Variants in ANKRD40CL observed in about 807,000 individuals in gnomAD.
The protein encoded by ANKRD40CL is putative ANKRD40 C-terminal-like protein.
For missense variants in ANKRD40CL, 11 were observed against 6.4 expected (o/e 1.71, Z -0.77); for synonymous variants, 5 against 2.3 (o/e 2.14, Z -1.04).
At chr17:50,765,251 GTTTTTAC>G (rs1435540884) in intron 2 of ANKRD40CL, among the ~76,000 whole-genome samples, 1 of 152,202 alleles carries the variant, frequency 6.6e-6, no homozygotes, top group African/African-American at 2.4e-5. Context: ...AGTTTCACCT[GTTTTTAC>G]TTTTTAAAAC....
chr17:50,763,165 G>T, intron 3 of ANKRD40CL: 1 of 353,646 alleles, frequency 2.8e-6, no homozygotes, highest in Non-Finnish European at 5.1e-6. Context: ...AAAGTGCTGG[G>T]ATTGTACTGG....
intron 2 of ANKRD40CL, chr17:50,764,319 G>T (rs1176422350): frequency 2.5e-6 from 1 of 398,370 alleles, no homozygotes; most frequent in Non-Finnish European, 4.4e-6. Flanking sequence ...AAAGGACAAG[G>T]ATGCCCCACT....
chr17:50,763,590 T>C (rs1024176036), intron 2 of ANKRD40CL, 33 bp from the exon 3 acceptor site: 23 of 398,908 alleles, frequency 5.8e-5, no homozygotes, highest in African/African-American at 4.5e-4. Flanking sequence ...ACCCATAAAT[T>C]CAAATACAGT....
At position 50,766,966 on chromosome 17, in the gene ANKRD40CL, C is replaced by T. The variant is rs1331142781; in HGVS notation, c.-53G>A. The T allele has an allele frequency of 1.4e-6, 1 of 702,438 alleles. No homozygotes were observed. The highest frequency in any genetic ancestry group is 1.5e-5 in the South Asian group (1 of 67,592). 43.5% of individuals were successfully genotyped at this position (702,438 alleles called of 1,614,324 possible). A position where few individuals can be genotyped will look rare whatever the true frequency, so the allele number is the denominator to read the frequency against. ...AGCCCCTCTCGCATTTATGCACAAG[C>T]TCCCAACCAAATAAAAAGCACTTTC... On this transcript the variant is annotated 5_prime_UTR_variant, in exon 2 of 4. Coordinates refer to ENST00000450727, the MANE Select transcript of ANKRD40CL (RefSeq NM_001358683.3).
chr17:50,765,150 T>G (rs1215441305), intron 2 of ANKRD40CL: 1 of 152,226 alleles, frequency 6.6e-6, no homozygotes, highest in Non-Finnish European at 1.5e-5. Context: ...AGGTAAAATA[T>G]ACCCTGGATT....
intron 2 of ANKRD40CL, chr17:50,764,157 G>A (rs1971256669): frequency 5.0e-6 from 2 of 398,742 alleles, no homozygotes; most frequent in Non-Finnish European, 8.8e-6. Context: ...TAGGGGCTGA[G>A]TCTTCACCTA....
At chr17:50,764,153 C>A in intron 2 of ANKRD40CL, 1 of 398,710 alleles carries the variant, frequency 2.5e-6, no homozygotes, top group Non-Finnish European at 4.4e-6. Flanking sequence ...CACATAGGGG[C>A]TGAGTCTTCA....
intron 2 of ANKRD40CL, among the ~76,000 whole-genome samples, chr17:50,766,134 G>A (rs1025976207): frequency 6.6e-6 from 1 of 152,154 alleles, no homozygotes; most frequent in African/African-American, 2.4e-5. Flanking sequence ...CCCAGGACAG[G>A]AATAATGTCC....
In ANKRD40CL at chr17:50,763,479, A is replaced by G. The variant is rs1037148106; in HGVS notation, c.119T>C (p.Leu40Pro). 1.3e-5 allele frequency: 5 copies of G among 398,956 alleles called. No individual in the cohort carries two copies. Among genetic ancestry groups the G allele is most frequent in the African/African-American group, 1.0e-4 (5 of 48,626 alleles). 24.7% of individuals were successfully genotyped at this position (398,956 alleles called of 1,614,324 possible). The change falls in exon 3 of 4, where the codon CTA becomes CCA. Residue 40 changes from leucine (L) to proline (P), a missense_variant. Transcript: ENST00000450727. Reference sequence around the variant, plus strand: ...CCCCAGTTCACAGCAACTCACGTTTAGTAGGTTTTGGTAACTCAGTTCTTG... The same window carrying G: ...CCCCAGTTCACAGCAACTCACGTTTGGTAGGTTTTGGTAACTCAGTTCTTG... ...KRQELSYQNL[L>P]NVSCCELGIK...
chr17:50,762,509 G>A (rs937168018), intron 3 of ANKRD40CL, among the ~76,000 whole-genome samples: 3 of 152,074 alleles, frequency 2.0e-5, no homozygotes, highest in Admixed American at 6.6e-5. Flanking sequence ...TGAGGATTTC[G>A]AGGCTGCAGT....
Position 50,761,183 on chromosome 17 carries a change from C to T in ANKRD40CL, c.*180G>A, listed in dbSNP as rs1388421110. On this transcript the variant is annotated 3_prime_UTR_variant, in exon 4 of 4. Coordinates refer to ENST00000450727, the MANE Select transcript of ANKRD40CL (RefSeq NM_001358683.3). ...GCTTCCCATGTAGCTGGGACTACTA[C>T]AGGTGTGCGCCACCACACCTAGCTA... 3.0e-6 allele frequency: 1 copy of T among 334,574 alleles called. No homozygotes were observed. Among genetic ancestry groups the T allele is most frequent in the Non-Finnish European group, 5.4e-6 (1 of 186,798 alleles). The allele number at this position is 334,574 out of a possible 1,614,324, so 20.7% of individuals were successfully genotyped here. A position where few individuals can be genotyped will look rare whatever the true frequency, so the allele number is the denominator to read the frequency against.
At chr17:50,766,812 T>C (rs554319807) in intron 2 of ANKRD40CL, 62 bp downstream of exon 2, 349 of 603,822 alleles carry the variant, frequency 5.8e-4, no homozygotes, top group South Asian at 3.1e-3. Context: ...GTCCCAGCCT[T>C]CCCCAGCCCC....
intron 1 of ANKRD40CL, 174 bp from the exon 2 acceptor site, chr17:50,767,185 C>T: frequency 3.2e-6 from 2 of 634,880 alleles, no homozygotes. Context: ...GCTGTCCCCA[C>T]TGGAAGACGG....
chr17:50,767,117 C>T (rs1337110365), intron 1 of ANKRD40CL, 106 bp from the exon 2 acceptor site: 1 of 679,450 alleles, frequency 1.5e-6, no homozygotes, highest in East Asian at 2.7e-5. Flanking sequence ...GCATGATTTG[C>T]ACAGGGTGAG....
At chr17:50,764,445 C>T in intron 2 of ANKRD40CL, 1 of 389,222 alleles carries the variant, frequency 2.6e-6, no homozygotes, top group East Asian at 3.6e-5. Flanking sequence ...CCACCCAAAT[C>T]ATGAAAAGGA....
intron 2 of ANKRD40CL, chr17:50,764,239 T>G: frequency 2.5e-6 from 1 of 398,642 alleles, no homozygotes. Flanking sequence ...GCCTTCTTGT[T>G]TATATTCACC....
Position 50,767,002 on chromosome 17 carries a change from G to T in ANKRD40CL, c.-89C>A. On this transcript the variant is annotated 5_prime_UTR_variant, in exon 2 of 4. In the 5' UTR this introduces an upstream ATG that the reference lacks. Coordinates refer to ENST00000450727, the MANE Select transcript of ANKRD40CL (RefSeq NM_001358683.3). Reference sequence around the variant, plus strand: ...ATAAAAAGCACTTTCTACAGCCTCAGCACATCTGTCTGCAAGGTAACAACA... The same window carrying T: ...ATAAAAAGCACTTTCTACAGCCTCATCACATCTGTCTGCAAGGTAACAACA... 1.4e-6 allele frequency: 1 copy of T among 702,238 alleles called. No homozygotes were observed. The highest frequency in any genetic ancestry group is 2.6e-6 in the Non-Finnish European group (1 of 384,932). The allele number at this position is 702,238 out of a possible 1,614,324, so 43.5% of individuals were successfully genotyped here. A position where few individuals can be genotyped will look rare whatever the true frequency, so the allele number is the denominator to read the frequency against.
At chr17:50,763,105 C>A in intron 3 of ANKRD40CL, 1 of 253,732 alleles carries the variant, frequency 3.9e-6, no homozygotes, top group Non-Finnish European at 7.4e-6. Flanking sequence ...CCGTGTTGGC[C>A]AGGATAGTCT....
In ANKRD40CL at chr17:50,766,263, C is replaced by T. The variant is rs529293808; in HGVS notation, c.40+611G>A. Among the ~76,000 whole-genome samples, 3 of 152,272 alleles carry T rather than the reference C, an allele frequency of 2.0e-5. No homozygotes were observed. In the South Asian group the frequency reaches 6.2e-4, roughly 32 times the overall value. On this transcript the variant is annotated intron_variant, in intron 2 of 3. Coordinates refer to ENST00000450727, the MANE Select transcript of ANKRD40CL (RefSeq NM_001358683.3). ...CCCCTGTAGCAGCTGGGCCCCAGCCCACCTGCCAGTACCTGACCTGATATC... is the reference window on the plus strand; with the variant it reads ...CCCCTGTAGCAGCTGGGCCCCAGCCTACCTGCCAGTACCTGACCTGATATC...
Sources: allele counts gnomAD v4.1 joint callset (sites outside exome capture counted in the v4.1 genomes callset), GRCh38; gene constraint gnomAD v4.1.1; transcripts MANE v1.5; gene names NCBI Gene and HGNC (gene_info 2026-07-23, HGNC 2026-07-21).